Variants in TMEM278 observed in about 807,000 individuals in gnomAD.
The protein encoded by TMEM278 is transmembrane protein 88B.
the TMEM278 span, chr1:1,427,564 C>T: frequency 1.5e-5 from 18 of 1,168,118 alleles, no homozygotes; most frequent in Non-Finnish European, 1.9e-5. Flanking sequence ...GTCCACCCCG[C>T]TCCGGGTCCC....
the TMEM278 span, among the ~76,000 whole-genome samples, chr1:1,427,980 A>G: frequency 8.5e-6 from 1 of 117,742 alleles, no homozygotes; most frequent in Non-Finnish European, 1.8e-5. Flanking sequence ...AGGGGAAGAG[A>G]GGGGAGGGGA....
chr1:1,426,155 G>A, the TMEM278 span: 23 of 1,413,768 alleles, frequency 1.6e-5, no homozygotes, highest in Admixed American at 3.1e-5. Flanking sequence ...GGAGACGGAG[G>A]AGGAGGAGGG....
the TMEM278 span, chr1:1,427,598 C>T: frequency 8.0e-7 from 1 of 1,254,822 alleles, no homozygotes; most frequent in African/African-American, 2.0e-5. Flanking sequence ...TGTTCTCAGA[C>T]CGCGGCTCCG....
the TMEM278 span, chr1:1,427,691 C>A: frequency 1.5e-6 from 2 of 1,328,402 alleles, no homozygotes; most frequent in East Asian, 3.3e-5. Context: ...TAGCCCGGCG[C>A]CTCCGCCCGC....
the TMEM278 span, among the ~76,000 whole-genome samples, chr1:1,428,010 AGGGGG>A: frequency 4.5e-5 from 4 of 87,922 alleles, no homozygotes; most frequent in Non-Finnish European, 4.7e-5. Context: ...AGGGGAGGGG[AGGGGG>A]AGAGAGGGGA....
chr1:1,427,541 G>T, the TMEM278 span: 1 of 244,990 alleles, frequency 4.1e-6, no homozygotes, highest in Non-Finnish European at 4.5e-6. Flanking sequence ...CTGACGGCCC[G>T]CCCGGCCCCC....
At chr1:1,427,514 CCCCGCCCCGCCCCCCACTGACGG>C in the TMEM278 span, 2 of 118,298 alleles carry the variant, frequency 1.7e-5, no homozygotes, top group Non-Finnish European at 2.0e-5. Context: ...CCCTCCATTA[CCCCGCCCCGCCCCCCACTGACGG>C]CCCGCCCGGC....
At chr1:1,427,810 CG>C in the TMEM278 span, 8 of 1,377,158 alleles carry the variant, frequency 5.8e-6, no homozygotes, top group Non-Finnish European at 7.5e-6. Context: ...TGCGAAACCC[CG>C]GGAGGCCTCC....
the TMEM278 span, among the ~76,000 whole-genome samples, chr1:1,426,540 C>G: frequency 6.6e-6 from 1 of 152,148 alleles, no homozygotes; most frequent in Non-Finnish European, 1.5e-5. Context: ...AGCACCCCCA[C>G]CAGCCACAGC....
the TMEM278 span, among the ~76,000 whole-genome samples, chr1:1,429,133 C>T: frequency 6.6e-6 from 1 of 152,016 alleles, no homozygotes; most frequent in Non-Finnish European, 1.5e-5. Flanking sequence ...CATGCCATTG[C>T]ACTCCAGCCT....
chr1:1,427,080 C>A, the TMEM278 span, among the ~76,000 whole-genome samples: 1 of 144,850 alleles, frequency 6.9e-6, no homozygotes, highest in Non-Finnish European at 1.5e-5. Flanking sequence ...CCATCTCCCC[C>A]CTCCCTCTTC....
At chr1:1,427,275 G>A in the TMEM278 span, among the ~76,000 whole-genome samples, 98 of 80,062 alleles carry the variant, frequency 1.2e-3, 1 homozygote, top group African/African-American at 4.7e-3. Context: ...ATCCCTCACC[G>A]TCCGGCCCTC....
chr1:1,426,188 G>GCGCCCATGCTGCCC, the TMEM278 span: 2 of 1,419,046 alleles, frequency 1.4e-6, no homozygotes, highest in Non-Finnish European at 1.8e-6. Flanking sequence ...TTCCGACACA[G>GCGCCCATGCTGCCC]CGCCCATGCT....
chr1:1,426,221 C>T, the TMEM278 span: 3 of 1,417,036 alleles, frequency 2.1e-6, no homozygotes, highest in South Asian at 1.5e-5. Flanking sequence ...TCCCGACCAC[C>T]AGGCCTCAGC....
At chr1:1,427,834 G>C in the TMEM278 span, 1,466 of 1,350,380 alleles carry the variant, frequency 1.1e-3, 15 homozygotes, top group African/African-American at 0.022. Context: ...GCTCGCGCGC[G>C]ACCCCATCGC....
chr1:1,427,653 G>A, the TMEM278 span: 16 of 1,345,526 alleles, frequency 1.2e-5, no homozygotes, highest in East Asian at 1.3e-4. Flanking sequence ...GCCGCTGCTG[G>A]TGCTCGCCTC....
At chr1:1,429,535 T>C in the TMEM278 span, among the ~76,000 whole-genome samples, 1 of 152,072 alleles carries the variant, frequency 6.6e-6, no homozygotes, top group Non-Finnish European at 1.5e-5. Context: ...TCTTTGGGGG[T>C]CTAAATCTGT....
the TMEM278 span, chr1:1,426,462 GC>G: frequency 1.1e-5 from 14 of 1,217,942 alleles, no homozygotes; most frequent in Non-Finnish European, 1.5e-5. Flanking sequence ...AAGGCACTGT[GC>G]CCCCTTCCAG....
chr1:1,428,355 C>T, the TMEM278 span, among the ~76,000 whole-genome samples: 1 of 152,044 alleles, frequency 6.6e-6, no homozygotes, highest in Non-Finnish European at 1.5e-5. Context: ...GCCCAGGGTT[C>T]CAGAAGCCCA....
Sources: gnomAD v4.1 joint callset for allele counts (sites outside exome capture counted in the v4.1 genomes callset) on GRCh38, gnomAD v4.1.1 for gene constraint, MANE v1.5 for transcripts, NCBI Gene and HGNC (gene_info 2026-07-23, HGNC 2026-07-21) for gene names.